Variants in PCDHGB5 observed in about 807,000 individuals in gnomAD.
PCDHGB5 encodes the protein protocadherin gamma subfamily B, 5.
In PCDHGB5, 48 loss-of-function variants were observed where a neutral mutation model predicts 62.9. The ratio of observed to expected loss-of-function variants is 0.76; its 90% CI spans 0.61 to 0.97. The LOEUF (loss-of-function observed/expected upper bound fraction) is 0.97, where lower values mean the gene tolerates loss of function less well. PCDHGB5 is among the 50% of genes least tolerant of loss of function. The pLI is 0.00. For missense variants in PCDHGB5, 1,118 were observed against 1,198.6 expected (o/e 0.93, Z 0.99); for synonymous variants, 474 against 511.2 (o/e 0.93, Z 0.98).
rs777058727 is a variant in PCDHGB5 at position 141,431,947 on chromosome 5, A to G, written c.2397+31423A>G. 6 of 1,614,052 alleles carry G rather than the reference A, an allele frequency of 3.7e-6. No homozygotes were observed. The highest frequency in any genetic ancestry group is 2.2e-5 in the East Asian group (1 of 44,894). ...GAAATCTGCCCTTTAAATTAGAAAAATCTTACGGAAATTACTATAGTTTAG... is the reference window on the plus strand; with the variant it reads ...GAAATCTGCCCTTTAAATTAGAAAAGTCTTACGGAAATTACTATAGTTTAG... On this transcript the variant is annotated intron_variant, in intron 1 of 3. Transcript: ENST00000617380. This position sits in a 1 kb window ranked among gnomAD's most constrained non-coding sequence, Gnocchi z 4.8.
rs1348307728 is a variant in PCDHGB5 at position 141,398,327 on chromosome 5, G to C, written c.200G>C (p.Arg67Pro). The C allele has an allele frequency of 7.4e-7, 1 of 1,353,452 alleles. No homozygotes were observed. The highest frequency in any genetic ancestry group is 1.0e-6 in the Non-Finnish European group (1 of 977,784). 83.8% of individuals were successfully genotyped at this position (1,353,452 alleles called of 1,614,324 possible). Residue 67 changes from arginine to proline, a missense_variant, in exon 1 of 4, where the codon CGC becomes CCC. Arg to Pro is a moderately radical substitution (Grantham distance 103). Around this residue, in one of 2 missense-constraint regions of PCDHGB5, gnomAD observed 84 missense variants for 169.5 expected, o/e 0.50. Transcript: ENST00000617380. Reference sequence around the variant, plus strand: ...CAGGAGTTACCGACTCGAAAACTGCGCGTCAGTTCGGAGAAGCCTTACTTC... The same window carrying C: ...CAGGAGTTACCGACTCGAAAACTGCCCGTCAGTTCGGAGAAGCCTTACTTC... ...SVQELPTRKL[R>P]VSSEKPYFTV...
At position 141,432,669 on chromosome 5, in the gene PCDHGB5, C is replaced by T. The variant is rs777314784; in HGVS notation, c.2397+32145C>T. ...GCGCGAGCCCTGCTGGACAGAGACG[C>T]GCTCAAGCAGAGCCTCGTAGTGGCC... On this transcript the variant is annotated intron_variant, in intron 1 of 3. Transcript: ENST00000617380. This position sits in a 1 kb window ranked among gnomAD's most constrained non-coding sequence, Gnocchi z 6.0. 1 of 1,613,894 alleles carries T rather than the reference C, an allele frequency of 6.2e-7. No homozygotes were observed.
intron 1 of PCDHGB5, among the ~76,000 whole-genome samples, chr5:141,465,280 C>T (rs922029628): frequency 7.2e-5 from 11 of 151,990 alleles, no homozygotes; most frequent in Non-Finnish European, 1.5e-4. Flanking sequence ...TTAGTTCACC[C>T]CTAAAGAACT....
intron 1 of PCDHGB5, chr5:141,442,507 G>C (rs1394231840): frequency 1.3e-5 from 2 of 152,208 alleles, no homozygotes; most frequent in Non-Finnish European, 1.5e-5. Flanking sequence ...TATTCTAATT[G>C]CTTGGGCAGA....
intron 1 of PCDHGB5, chr5:141,409,138 A>G (rs2095229593): frequency 1.2e-6 from 2 of 1,614,046 alleles, no homozygotes; most frequent in Non-Finnish European, 1.7e-6. Flanking sequence ...TTGAAGATGT[A>G]GAAAGGTACA....
chr5:141,415,020 C>T, intron 1 of PCDHGB5: 2 of 1,613,560 alleles, frequency 1.2e-6, no homozygotes, highest in Non-Finnish European at 1.7e-6. Context: ...TGCTCAAGGC[C>T]AGCGAGCCGG....
chr5:141,415,001 C>G (rs1326591845), intron 1 of PCDHGB5: 2 of 1,613,712 alleles, frequency 1.2e-6, no homozygotes, highest in Non-Finnish European at 1.7e-6. Context: ...GCCTGGCTGT[C>G]CTACCGTCTG....
chr5:141,490,576 G>T lies in PCDHGB5; in HGVS notation c.2398-4231G>T. On this transcript the variant is annotated intron_variant, in intron 1 of 3. Transcript: ENST00000617380. The surrounding 1 kb of genome is among the most constrained non-coding windows in gnomAD (Gnocchi z 5.4). ...TCTCACCATCAGGCTCAACATTTCA[G>T]ATGTCAATGACAATGCACCCCGCTT... 2.5e-6 allele frequency: 4 copies of T among 1,614,134 alleles called. No homozygotes were observed. The highest frequency in any genetic ancestry group is 3.4e-6 in the Non-Finnish European group (4 of 1,180,030).
chr5:141,441,811 C>A (rs1007948586), intron 1 of PCDHGB5: 2 of 370,710 alleles, frequency 5.4e-6, no homozygotes, highest in African/African-American at 2.2e-5. Flanking sequence ...GTGCTGTACC[C>A]CAGCTCTGGA....
chr5:141,468,348 A>C (rs962230735), intron 1 of PCDHGB5: 2 of 150,318 alleles, frequency 1.3e-5, no homozygotes, highest in African/African-American at 4.9e-5. Context: ...AAAAAAAAAA[A>C]AGAAAGAAAA....
intron 1 of PCDHGB5, among the ~76,000 whole-genome samples, chr5:141,457,444 G>T (rs1253183319): frequency 6.6e-6 from 1 of 152,134 alleles, no homozygotes; most frequent in African/African-American, 2.4e-5. Context: ...AGCTGCAGAA[G>T]ATCACCACTT....
rs762408704 is a variant in PCDHGB5 at position 141,486,335 on chromosome 5, C to G, written c.2398-8472C>G. 6.2e-7 allele frequency: 1 copy of G among 1,613,936 alleles called. No individual in the cohort carries two copies. The highest frequency in any genetic ancestry group is 8.5e-7 in the Non-Finnish European group (1 of 1,180,002). ...AGGGTCAAACGGAGATGTGAGCCTC[C>G]GCATTCCTGACCACTTGCCATTTGC... On this transcript the variant is annotated intron_variant, in intron 1 of 3. Transcript: ENST00000617380. This position sits in a 1 kb window ranked among gnomAD's most constrained non-coding sequence, Gnocchi z 5.0.
In PCDHGB5 at chr5:141,476,331, C is replaced by T; in HGVS notation, c.2398-18476C>T. On this transcript the variant is annotated intron_variant, in intron 1 of 3. Transcript: ENST00000617380. This position sits in a 1 kb window ranked among gnomAD's most constrained non-coding sequence, Gnocchi z 7.6. Reference sequence around the variant, plus strand: ...CGCAGGTTCCGGGTGGTGTCTGGAGCTAGCCGAAGATTCTTTGAGGTGAAC... The same window carrying T: ...CGCAGGTTCCGGGTGGTGTCTGGAGTTAGCCGAAGATTCTTTGAGGTGAAC... 1.2e-6 allele frequency: 2 copies of T among 1,614,156 alleles called. No individual in the cohort carries two copies. Among genetic ancestry groups the T allele is most frequent in the Non-Finnish European group, 1.7e-6 (2 of 1,180,042 alleles).
chr5:141,481,030 C>A (rs1277171839), intron 1 of PCDHGB5, among the ~76,000 whole-genome samples: 1 of 152,024 alleles, frequency 6.6e-6, no homozygotes, highest in African/African-American at 2.4e-5. Context: ...TGCACTCCAG[C>A]CTGGGCGACA....
At position 141,400,250 on chromosome 5, in the gene PCDHGB5, C is replaced by T. The variant is rs2093990136; in HGVS notation, c.2123C>T (p.Ala708Val). Residue 708 changes from alanine (A) to valine (V), a missense_variant, in exon 1 of 4, where the codon GCC becomes GTC. Coordinates refer to ENST00000617380, the MANE Select transcript of PCDHGB5 (RefSeq NM_018925.3). ...CTCCTGGCCGTGATTCTGGCCGTTG[C>T]CTTGCGCCTGCGACGCTCCTCCAGC... ...LFLLAVILAV[A>V]LRLRRSSSPA... 1 of 1,614,066 alleles carries T rather than the reference C, an allele frequency of 6.2e-7. No homozygotes were observed. Among genetic ancestry groups the T allele is most frequent in the Non-Finnish European group, 8.5e-7 (1 of 1,179,900 alleles).
intron 1 of PCDHGB5, chr5:141,403,705 C>T: frequency 6.2e-7 from 1 of 1,613,894 alleles, no homozygotes; most frequent in Non-Finnish European, 8.5e-7. Context: ...GAGTTAAAGT[C>T]CTTGAGAACG....
rs1376069004 is a variant in PCDHGB5 at position 141,457,869 on chromosome 5, G to T, written c.2398-36938G>T. On this transcript the variant is annotated intron_variant, in intron 1 of 3. Transcript: ENST00000617380. ...AAGTGACATTCTTCACTGACCACAG[G>T]TTAGGAACCCTGTGTGGGGACTGTG... 2.0e-5 allele frequency among the ~76,000 whole-genome samples: 3 copies of T among 152,334 alleles called. No individual in the cohort carries two copies. The East Asian group carries it at 5.8e-4, about 29-fold the overall frequency.
chr5:141,494,985 C>A, intron 2 of PCDHGB5, 120 bp downstream of exon 2: 1 of 1,559,680 alleles, frequency 6.4e-7, no homozygotes. Context: ...AGTTTGAGAT[C>A]CCAGGGAGGT....
chr5:141,399,445 G>GATA lies in PCDHGB5; in HGVS notation c.1319_1320insTAA (p.Asp440_Val441insAsn). ...CATAAGCGTCATCCTACATATCAGA[G>GATA]ACGTCAACGATAACGCTCCGGTTTT... is the stretch of plus-strand genomic sequence containing the variant. On this transcript the variant is annotated inframe_insertion, in exon 1 of 4. Coordinates refer to ENST00000617380, the MANE Select transcript of PCDHGB5 (RefSeq NM_018925.3). 1 of 1,614,032 alleles carries GATA rather than the reference G, an allele frequency of 6.2e-7. No homozygotes were observed. The highest frequency in any genetic ancestry group is 8.5e-7 in the Non-Finnish European group (1 of 1,179,892).
Sources: gnomAD v4.1 joint callset for allele counts (sites outside exome capture counted in the v4.1 genomes callset) on GRCh38, gnomAD v4.1.1 for gene constraint, gnomAD v4.1.1 regional missense constraint, Gnocchi (gnomAD v3.1) non-coding constraint, MANE v1.5 for transcripts, NCBI Gene and HGNC (gene_info 2026-07-23, HGNC 2026-07-21) for gene names.